Variants in FAM184B observed in about 807,000 individuals in gnomAD.
FAM184B encodes the protein protein FAM184B.
A neutral mutation model predicts 135.9 loss-of-function variants in FAM184B; 111 were observed. The ratio of observed to expected loss-of-function variants is 0.82; its 90% confidence interval spans 0.70 to 0.96. FAM184B has a LOEUF of 0.96. Among genes scored for constraint, FAM184B ranks in the 40% least tolerant of loss-of-function variants. The probability of loss-of-function intolerance (pLI) is 0.00; values close to 1 mark genes in which losing one functional copy is unlikely to be tolerated. For synonymous variants in FAM184B, 552 were observed against 524.8 expected (o/e 1.05, Z -0.71); for missense variants, 1,375 against 1,323.9 (o/e 1.04, Z -0.60).
intron 7 of FAM184B, among the ~76,000 whole-genome samples, chr4:17,668,215 G>A (rs578037768): frequency 7.9e-5 from 12 of 152,268 alleles, no homozygotes; most frequent in South Asian, 2.1e-4. Context: ...CCAGCGGCCC[G>A]CCCTGCTGAA....
At chr4:17,742,133 TATGA>T (rs1388741401) in intron 1 of FAM184B, among the ~76,000 whole-genome samples, 1 of 28,762 alleles carries the variant, frequency 3.5e-5, no homozygotes, top group Non-Finnish European at 7.6e-5. Context: ...TACATATACA[TATGA>T]ATATATATAT....
intron 6 of FAM184B, among the ~76,000 whole-genome samples, chr4:17,689,023 T>C (rs766781006): frequency 6.6e-6 from 1 of 152,184 alleles, no homozygotes; most frequent in Non-Finnish European, 1.5e-5. Flanking sequence ...AGCTAGTTGC[T>C]TGGTCTTTCC....
intron 1 of FAM184B, among the ~76,000 whole-genome samples, chr4:17,718,087 G>A (rs1377314685): frequency 6.6e-6 from 1 of 152,176 alleles, no homozygotes; most frequent in African/African-American, 2.4e-5. Context: ...GTACGTTGCT[G>A]AACCTGAGTC....
At chr4:17,680,248 A>C (rs1716404675) in intron 7 of FAM184B, among the ~76,000 whole-genome samples, 1 of 152,222 alleles carries the variant, frequency 6.6e-6, no homozygotes, top group Admixed American at 6.5e-5. Context: ...GTCATTAAAA[A>C]TTATATTTAA....
chr4:17,765,769 C>G (rs1718660252), intron 1 of FAM184B, among the ~76,000 whole-genome samples: 1 of 152,158 alleles, frequency 6.6e-6, no homozygotes, highest in Non-Finnish European at 1.5e-5. Context: ...CACGGACCCT[C>G]CTGATGAGTG....
At chr4:17,670,612 C>T (rs543143975) in intron 7 of FAM184B, among the ~76,000 whole-genome samples, 1 of 152,288 alleles carries the variant, frequency 6.6e-6, no homozygotes, top group East Asian at 1.9e-4. Flanking sequence ...CTGATGCACC[C>T]AGATAACAAC....
chr4:17,756,229 A>G (rs974666927), intron 1 of FAM184B, among the ~76,000 whole-genome samples: 1 of 152,210 alleles, frequency 6.6e-6, no homozygotes, highest in African/African-American at 2.4e-5. Flanking sequence ...ATGATCCTCA[A>G]ATATCTTGTG....
At chr4:17,651,561 A>AAAAAG (rs1715618585) in intron 11 of FAM184B, among the ~76,000 whole-genome samples, 1 of 150,982 alleles carries the variant, frequency 6.6e-6, no homozygotes, top group African/African-American at 2.4e-5. Context: ...AAAAAAAAAA[A>AAAAAG]AAGAAGAAAA....
intron 8 of FAM184B, among the ~76,000 whole-genome samples, chr4:17,661,881 T>A (rs1315365920): frequency 1.3e-5 from 2 of 152,252 alleles, no homozygotes; most frequent in Non-Finnish European, 2.9e-5. Flanking sequence ...TTCTTTTTAA[T>A]GTTTTAGTAA....
In FAM184B at chr4:17,709,451, T is replaced by C; in HGVS notation, c.335A>G (p.Lys112Arg). Residue 112 changes from lysine (K) to arginine (R), a missense_variant, in exon 2 of 18, where the codon AAG becomes AGG. Physicochemically the swap from Lys to Arg is conservative, Grantham distance 26. Transcript: ENST00000265018. The part of the protein sequence containing the change: ...QALESALELQ[K>R]RLTEEALAES... ...AGCCAGCGCCTCCTCCGTCAGCCTC[T>C]TTTGCAGCTCCAGGGCGCTCTCCAG... 5 of 1,527,742 alleles carry C rather than the reference T, an allele frequency of 3.3e-6. No individual in the cohort carries two copies. The highest frequency in any genetic ancestry group is 4.4e-6 in the Non-Finnish European group (5 of 1,132,902). The allele number at this position is 1,527,742 out of a possible 1,614,324, so 94.6% of individuals were successfully genotyped here.
intron 17 of FAM184B, 82 bp from the exon 18 acceptor site, chr4:17,632,707 A>G: frequency 1.1e-6 from 1 of 920,836 alleles, no homozygotes; most frequent in Non-Finnish European, 1.7e-6. Context: ...TTTCAGGGAA[A>G]GATAACTGCT....
rs934814825 is a variant in FAM184B, at chr4:17,630,099, T to C, written c.*2433A>G. The C allele has an allele frequency of 6.6e-6, 1 of 152,300 alleles. No homozygotes were observed. The highest frequency in any genetic ancestry group is 1.5e-5 in the Non-Finnish European group (1 of 68,028). 9.4% of individuals were successfully genotyped at this position (152,300 alleles called of 1,614,324 possible). On this transcript the variant is annotated 3_prime_UTR_variant, in exon 18 of 18. Transcript: ENST00000265018. Reference sequence around the variant, plus strand: ...GTCAAAACCTATGTACGATCTCAACTAGTAAAATTTTCTCCTTGCCCAGGG... The same window carrying C: ...GTCAAAACCTATGTACGATCTCAACCAGTAAAATTTTCTCCTTGCCCAGGG...
At chr4:17,756,816 T>A (rs1015703507) in intron 1 of FAM184B, among the ~76,000 whole-genome samples, 11 of 152,002 alleles carry the variant, frequency 7.2e-5, no homozygotes, top group Non-Finnish European at 1.5e-4. Context: ...TCTCAGCTAT[T>A]TGGGAGGCTA....
chr4:17,672,264 A>AAG (rs1275674074), intron 7 of FAM184B, among the ~76,000 whole-genome samples: 1 of 151,800 alleles, frequency 6.6e-6, no homozygotes, highest in East Asian at 1.9e-4. Context: ...GTGCTAAAAA[A>AAG]AATGCCAACT....
At chr4:17,633,962 A>C in intron 16 of FAM184B, 74 bp from the exon 17 acceptor site, 1 of 1,179,764 alleles carries the variant, frequency 8.5e-7, no homozygotes. Flanking sequence ...AAAAGCAAAT[A>C]ATGCTCACCC....
intron 13 of FAM184B, among the ~76,000 whole-genome samples, chr4:17,641,461 C>CTTTTTTTTTTTTTTTTTTTTTTTTTTTTT (rs71167316): frequency 2.2e-5 from 1 of 45,646 alleles, no homozygotes; most frequent in African/African-American, 8.5e-5. Flanking sequence ...AGGACTCCCT[C>CTTTTTTTTTTTTTTTTTTTTTTTTTTTTT]TTTTTTTTTT....
At position 17,645,467 on chromosome 4, in the gene FAM184B, G is replaced by C. The variant is rs2108933000; in HGVS notation, c.2346+2170C>G. Among the ~76,000 whole-genome samples the C allele has an allele frequency of 1.3e-5, 2 of 152,266 alleles. 1 individual carries two copies. The highest frequency in any genetic ancestry group is 4.1e-4 in the South Asian group (2 of 4,826). On this transcript the variant is annotated intron_variant, in intron 12 of 17. Coordinates refer to ENST00000265018, the MANE Select transcript of FAM184B (RefSeq NM_015688.2). Reference sequence around the variant, plus strand: ...TCTTTGACAAACCTGACAAAAACAAGAAATGGGGAAAGGATCCCCTATTTA... The same window carrying C: ...TCTTTGACAAACCTGACAAAAACAACAAATGGGGAAAGGATCCCCTATTTA...
intron 8 of FAM184B, among the ~76,000 whole-genome samples, chr4:17,664,204 T>C (rs1560171428): frequency 6.6e-6 from 1 of 152,196 alleles, no homozygotes; most frequent in African/African-American, 2.4e-5. Context: ...TAGGTGGGGA[T>C]TTCCTCAGGA....
At chr4:17,695,561 CT>C (rs1716836148) in intron 5 of FAM184B, among the ~76,000 whole-genome samples, 1 of 152,042 alleles carries the variant, frequency 6.6e-6, no homozygotes, top group Non-Finnish European at 1.5e-5. Flanking sequence ...GTGGTGGTAA[CT>C]GAGGTAAGAG....
Sources: gnomAD v4.1 joint callset for allele counts (sites outside exome capture counted in the v4.1 genomes callset) on GRCh38, gnomAD v4.1.1 for gene constraint, MANE v1.5 for transcripts, NCBI Gene and HGNC (gene_info 2026-07-23, HGNC 2026-07-21) for gene names.